The following DGKD variants were observed in gnomAD, a reference collection of about 807,000 sequenced individuals.
DGKD encodes DAG kinase delta.
DGKD carries 68 observed loss-of-function variants against 154.4 expected under a neutral mutation model. The ratio of observed to expected loss-of-function variants is 0.44; its 90% CI spans 0.36 to 0.54. The LOEUF (loss-of-function observed/expected upper bound fraction) is 0.54, where lower values mean the gene tolerates loss of function less well. Among genes scored for constraint, DGKD ranks in the 20% least tolerant of loss-of-function variants. The probability of loss-of-function intolerance (pLI) is 0.00; values close to 1 mark genes in which losing one functional copy is unlikely to be tolerated. For missense variants in DGKD, 1,343 were observed against 1,593.6 expected (o/e 0.84, Z 2.68); for synonymous variants, 693 against 638.0 (o/e 1.09, Z -1.30).
intron 3 of DGKD, among the ~76,000 whole-genome samples, chr2:233,400,474 G>A (rs1417490476): frequency 6.6e-6 from 1 of 152,218 alleles, no homozygotes; most frequent in East Asian, 1.9e-4. Context: ...GTCCTGGCCT[G>A]GGCCTCCCTG....
intron 18 of DGKD, among the ~76,000 whole-genome samples, chr2:233,453,489 G>A (rs1455475816): frequency 2.0e-5 from 3 of 152,160 alleles, no homozygotes; most frequent in Admixed American, 6.5e-5. Flanking sequence ...CTCAGCTGTC[G>A]GGCACTTGAA....
chr2:233,403,558 C>G (rs757698398), intron 3 of DGKD, among the ~76,000 whole-genome samples: 1 of 151,838 alleles, frequency 6.6e-6, no homozygotes, highest in Non-Finnish European at 1.5e-5. Context: ...AAGACTCCAT[C>G]TCAAAAATAA....
chr2:233,388,500 C>A (rs1703344245), intron 2 of DGKD, 133 bp downstream of exon 2: 1 of 768,310 alleles, frequency 1.3e-6, no homozygotes, highest in Non-Finnish European at 2.0e-6. Context: ...AGTTTTGTAA[C>A]ACTCCACGCT....
chr2:233,406,923 T>A (rs983051753), intron 3 of DGKD, among the ~76,000 whole-genome samples: 1 of 152,230 alleles, frequency 6.6e-6, no homozygotes, highest in African/African-American at 2.4e-5. Flanking sequence ...TTTTCATGTC[T>A]GTATTTATGA....
intron 7 of DGKD, 98 bp from the exon 8 acceptor site, chr2:233,437,279 C>A: frequency 3.6e-6 from 4 of 1,122,196 alleles, no homozygotes; most frequent in Non-Finnish European, 5.3e-6. Flanking sequence ...AATCACCTGC[C>A]TCCCCCGAGG....
At chr2:233,413,264 T>TGTTA (rs376940953) in intron 3 of DGKD, among the ~76,000 whole-genome samples, 69 of 152,298 alleles carry the variant, frequency 4.5e-4, no homozygotes, top group African/African-American at 1.6e-3. Context: ...AGTGAGTCAG[T>TGTTA]GTTACCCCGC....
At chr2:233,402,851 C>G (rs1005313098) in intron 3 of DGKD, among the ~76,000 whole-genome samples, 1 of 152,224 alleles carries the variant, frequency 6.6e-6, no homozygotes, top group Non-Finnish European at 1.5e-5. Flanking sequence ...TATCCTGTAT[C>G]ACGGCAAACT....
chr2:233,467,043 C>A, intron 27 of DGKD, 43 bp from the exon 28 acceptor site: 2 of 1,486,536 alleles, frequency 1.3e-6, no homozygotes, highest in South Asian at 1.1e-5. Flanking sequence ...AGGCCGTGAT[C>A]AGTTGCAGCC....
Position 233,446,712 on chromosome 2 carries a change from G to A in DGKD, c.1335G>A (p.Arg445=). 1 of 1,613,664 alleles carries A rather than the reference G, an allele frequency of 6.2e-7. No individual in the cohort carries two copies. Among genetic ancestry groups the A allele is most frequent in the South Asian group, 1.1e-5 (1 of 91,076 alleles). The part of the protein sequence containing the change: ...LERASTKMLD[R]WSVMAYEAKL... ...TGTGCAGCTGACCTTGTGTGTGCAG[G>A]TGGAGCGTCATGGCATACGAGGCCA... Residue 445 remains arginine (R), a splice_region_variant and synonymous_variant, in exon 12 of 30, where the codon AGG becomes AGA. Coordinates refer to ENST00000264057, the MANE Select transcript of DGKD (RefSeq NM_152879.3).
intron 1 of DGKD, among the ~76,000 whole-genome samples, chr2:233,358,849 T>G (rs978816598): frequency 6.6e-6 from 1 of 152,254 alleles, no homozygotes; most frequent in African/African-American, 2.4e-5. Flanking sequence ...TGGATAATGC[T>G]GCTGTGAACA....
chr2:233,390,841 C>A (rs917497654), intron 3 of DGKD, among the ~76,000 whole-genome samples: 1 of 152,214 alleles, frequency 6.6e-6, no homozygotes, highest in African/African-American at 2.4e-5. Context: ...TCAAGCGATT[C>A]TCCTGCCTCA....
rs748195645 is a variant in DGKD, at chr2:233,467,199, C to T, written c.3420C>T (p.Ala1140=). 5 of 1,610,674 alleles carry T rather than the reference C, an allele frequency of 3.1e-6. No individual in the cohort carries two copies. The South Asian group carries it at 5.5e-5, about 18-fold the overall frequency. The change falls in exon 28 of 30, where the codon GCC becomes GCT. Residue 1140 remains alanine, a synonymous_variant. Transcript: ENST00000264057. ...AAGAAGCTCACAGTAGCCTGGGAGCCCCGGGTACCTGCCTCTCTCCCGCGT... is the reference window on the plus strand; with the variant it reads ...AAGAAGCTCACAGTAGCCTGGGAGCTCCGGGTACCTGCCTCTCTCCCGCGT... The part of the protein sequence containing the change: ...KNKEAHSSLG[A]PVHLWGTEEV...
At chr2:233,411,046 C>G (rs973696916) in intron 3 of DGKD, among the ~76,000 whole-genome samples, 2 of 151,944 alleles carry the variant, frequency 1.3e-5, no homozygotes, top group Non-Finnish European at 2.9e-5. Context: ...TTTCATGTTA[C>G]GAATATCAGT....
intron 10 of DGKD, among the ~76,000 whole-genome samples, chr2:233,444,757 C>T (rs949079224): frequency 4.0e-5 from 6 of 151,032 alleles, no homozygotes; most frequent in South Asian, 2.1e-4. Flanking sequence ...TCCCCACAGG[C>T]GGCAGGGCCT....
intron 27 of DGKD, among the ~76,000 whole-genome samples, chr2:233,465,148 G>T (rs1422424492): frequency 6.6e-6 from 1 of 152,226 alleles, no homozygotes; most frequent in African/African-American, 2.4e-5. Context: ...CAGCTTCTCA[G>T]TGAGGGCACT....
chr2:233,361,288 G>A (rs1701770878), intron 1 of DGKD, among the ~76,000 whole-genome samples: 1 of 152,198 alleles, frequency 6.6e-6, no homozygotes, highest in African/African-American at 2.4e-5. Flanking sequence ...AATCACCTCA[G>A]TCCTCTGAAA....
intron 18 of DGKD, among the ~76,000 whole-genome samples, chr2:233,454,145 T>G (rs2063380127): frequency 6.6e-6 from 1 of 152,200 alleles, no homozygotes; most frequent in South Asian, 2.1e-4. Context: ...CCGGGCCATG[T>G]GGGATTGAAC....
chr2:233,426,207 A>G (rs557070242), intron 3 of DGKD, among the ~76,000 whole-genome samples: 4 of 152,164 alleles, frequency 2.6e-5, no homozygotes, highest in Non-Finnish European at 5.9e-5. Context: ...TCATATTCAT[A>G]TTCATGTTTC....
chr2:233,362,049 C>T (rs1200099176), intron 1 of DGKD, among the ~76,000 whole-genome samples: 5 of 152,280 alleles, frequency 3.3e-5, no homozygotes, highest in East Asian at 1.9e-4. Flanking sequence ...CTGCCCGCCT[C>T]GGCCTCCCAA....
Sources: allele counts gnomAD v4.1 joint callset (sites outside exome capture counted in the v4.1 genomes callset), GRCh38; gene constraint gnomAD v4.1.1; transcripts MANE v1.5; gene names NCBI Gene and HGNC (gene_info 2026-07-23, HGNC 2026-07-21).